Variants in STXBP5L observed in about 807,000 individuals in gnomAD.
The protein encoded by STXBP5L is syntaxin-binding protein 5-like.
In STXBP5L, 65 loss-of-function variants were observed where a neutral mutation model predicts 144.5. The ratio of observed to expected loss-of-function variants is 0.45; its 90% CI spans 0.37 to 0.55. The LOEUF is 0.55. Ranked by LOEUF, STXBP5L falls within the 20% of genes least tolerant of loss-of-function variation. The pLI, the probability that STXBP5L is intolerant of heterozygous loss-of-function variation, is 0.00. For missense variants in STXBP5L, 1,298 were observed against 1,405.5 expected, an observed-to-expected ratio of 0.92 and a Z score of 1.22; for synonymous variants, 505 against 469.6, an observed-to-expected ratio of 1.08 and a Z score of -0.97.
At chr3:121,171,675 A>C (rs982362834) in intron 9 of STXBP5L, among the ~76,000 whole-genome samples, 3 of 152,174 alleles carry the variant, frequency 2.0e-5, no homozygotes, top group African/African-American at 7.2e-5. Flanking sequence ...CAGAACTACA[A>C]ACCACTGCTC....
chr3:120,982,135 A>T (rs1221263706), intron 3 of STXBP5L, among the ~76,000 whole-genome samples: 3 of 152,146 alleles, frequency 2.0e-5, no homozygotes, highest in Non-Finnish European at 4.4e-5. Flanking sequence ...TCAACCCCCA[A>T]GCTAGTAAGT....
At chr3:120,957,105 C>A (rs751637105) in intron 3 of STXBP5L, among the ~76,000 whole-genome samples, 2 of 151,818 alleles carry the variant, frequency 1.3e-5, no homozygotes, top group African/African-American at 2.4e-5. Context: ...GTACTGGCAC[C>A]CTTGTCAAAA....
At chr3:121,349,608 C>G (rs1327539068) in intron 20 of STXBP5L, among the ~76,000 whole-genome samples, 1 of 151,984 alleles carries the variant, frequency 6.6e-6, no homozygotes, top group Non-Finnish European at 1.5e-5. Flanking sequence ...CTTTGTAGGT[C>G]TCTAAGGACT....
chr3:121,119,803 CTT>C (rs2044381431), intron 6 of STXBP5L, among the ~76,000 whole-genome samples: 1 of 151,176 alleles, frequency 6.6e-6, no homozygotes, highest in Non-Finnish European at 1.5e-5. Flanking sequence ...TTCCTCTTCA[CTT>C]TTGATGTGTT....
chr3:121,216,215 A>G (rs1263720570), intron 10 of STXBP5L, among the ~76,000 whole-genome samples: 1 of 152,068 alleles, frequency 6.6e-6, no homozygotes, highest in Non-Finnish European at 1.5e-5. Context: ...CTCATTCTCC[A>G]TCCAGTTTTG....
chr3:121,165,404 T>G (rs1369075638), intron 9 of STXBP5L, among the ~76,000 whole-genome samples: 1 of 152,204 alleles, frequency 6.6e-6, no homozygotes, highest in South Asian at 2.1e-4. Flanking sequence ...ACCATTTTAT[T>G]GTTGGAAGTG....
chr3:120,956,572 G>A (rs180877435), intron 3 of STXBP5L, among the ~76,000 whole-genome samples: 26 of 151,788 alleles, frequency 1.7e-4, no homozygotes, highest in African/African-American at 5.8e-4. Context: ...ATATCTGTTC[G>A]TTAATTTATG....
intron 6 of STXBP5L, among the ~76,000 whole-genome samples, chr3:121,115,273 A>G (rs953979043): frequency 2.0e-5 from 3 of 152,214 alleles, no homozygotes; most frequent in Non-Finnish European, 2.9e-5. Flanking sequence ...ATTAAGCTTT[A>G]TATCTAAAAA....
intron 10 of STXBP5L, among the ~76,000 whole-genome samples, chr3:121,213,149 T>C (rs1257748267): frequency 6.6e-6 from 1 of 152,224 alleles, no homozygotes; most frequent in Non-Finnish European, 1.5e-5. Context: ...AATCATGTCA[T>C]CTGCAAACAG....
At chr3:121,179,437 TC>T in intron 9 of STXBP5L, among the ~76,000 whole-genome samples, 1 of 152,028 alleles carries the variant, frequency 6.6e-6, no homozygotes, top group Non-Finnish European at 1.5e-5. Context: ...ACATAAACAG[TC>T]CAGTCAAAAA....
At chr3:121,193,109 C>G (rs2047768293) in intron 9 of STXBP5L, among the ~76,000 whole-genome samples, 1 of 142,416 alleles carries the variant, frequency 7.0e-6, no homozygotes, top group African/African-American at 2.6e-5. Context: ...CTACAAAGAT[C>G]TTAAACAAAT....
intron 9 of STXBP5L, among the ~76,000 whole-genome samples, chr3:121,167,528 T>C (rs2046543104): frequency 6.6e-6 from 1 of 152,154 alleles, no homozygotes; most frequent in Non-Finnish European, 1.5e-5. Flanking sequence ...TTGAGTAGGC[T>C]GTTTTCCCCT....
chr3:121,236,920 T>C (rs374361276), intron 12 of STXBP5L, among the ~76,000 whole-genome samples: 37 of 152,234 alleles, frequency 2.4e-4, no homozygotes, highest in African/African-American at 8.9e-4. Context: ...ACAAGTCTCA[T>C]GTAGCTTTAA....
At chr3:121,066,273 C>A (rs940343507) in intron 5 of STXBP5L, among the ~76,000 whole-genome samples, 1 of 151,724 alleles carries the variant, frequency 6.6e-6, no homozygotes, top group Non-Finnish European at 1.5e-5. Flanking sequence ...CATTATTTCA[C>A]CTTTAAGTGT....
At chr3:121,237,860 C>T (rs1018462066) in intron 12 of STXBP5L, among the ~76,000 whole-genome samples, 2 of 152,166 alleles carry the variant, frequency 1.3e-5, no homozygotes, top group African/African-American at 4.8e-5. Context: ...TTCTTTGCTA[C>T]AGTGCAACAA....
chr3:121,107,986 G>C (rs1214416795), intron 5 of STXBP5L, among the ~76,000 whole-genome samples: 5 of 152,142 alleles, frequency 3.3e-5, no homozygotes, highest in Admixed American at 3.3e-4. Context: ...TTGTGAATGG[G>C]AGTTCATTCA....
intron 20 of STXBP5L, among the ~76,000 whole-genome samples, chr3:121,335,079 C>A (rs2044458232): frequency 1.3e-5 from 2 of 152,118 alleles, no homozygotes; most frequent in African/African-American, 4.8e-5. Context: ...ACAAAAAGCT[C>A]CTGCAGCTGA....
intron 19 of STXBP5L, among the ~76,000 whole-genome samples, chr3:121,300,759 AAAC>A (rs1232192105): frequency 6.6e-6 from 1 of 152,140 alleles, no homozygotes; most frequent in Non-Finnish European, 1.5e-5. Context: ...GACAAACTGA[AAAC>A]AATTAGAAAG....
intron 7 of STXBP5L, among the ~76,000 whole-genome samples, chr3:121,140,100 G>A (rs2045433808): frequency 6.6e-6 from 1 of 151,678 alleles, no homozygotes; most frequent in South Asian, 2.1e-4. Flanking sequence ...AACTATGAAT[G>A]ACAAGAGACA....
Sources: gnomAD v4.1 joint callset for allele counts (sites outside exome capture counted in the v4.1 genomes callset) on GRCh38, gnomAD v4.1.1 for gene constraint, MANE v1.5 for transcripts, NCBI Gene and HGNC (gene_info 2026-07-23, HGNC 2026-07-21) for gene names.